CNTNAP5: variants seen among roughly 807,000 people sequenced by gnomAD.
The protein encoded by CNTNAP5 is contactin associated protein family member 5, also known as contactin-associated protein-like 5.
CNTNAP5 carries 72 observed loss-of-function variants against 150.2 expected under a neutral mutation model. That is an observed-to-expected ratio of 0.48 (90% CI 0.40 to 0.58). CNTNAP5 has a LOEUF of 0.58. CNTNAP5 is among the 20% of genes least tolerant of loss of function. The probability of loss-of-function intolerance (pLI) is 0.00; values close to 1 mark genes in which losing one functional copy is unlikely to be tolerated. For missense variants in CNTNAP5, 1,636 were observed against 1,626.2 expected (o/e 1.01, Z -0.10); for synonymous variants, 672 against 619.8 (o/e 1.08, Z -1.25).
chr2:124,695,026 C>T (rs893957699), intron 13 of CNTNAP5, among the ~76,000 whole-genome samples: 3 of 148,006 alleles, frequency 2.0e-5, no homozygotes, highest in African/African-American at 7.4e-5. Flanking sequence ...GTGTGTGTTA[C>T]AATGTAATGG....
At chr2:124,727,588 G>A (rs1680184497) in intron 13 of CNTNAP5, among the ~76,000 whole-genome samples, 1 of 151,816 alleles carries the variant, frequency 6.6e-6, no homozygotes, top group Non-Finnish European at 1.5e-5. Flanking sequence ...CTATTGTAAT[G>A]AGATTGTCTT....
At chr2:124,600,563 T>A (rs1449997614) in intron 11 of CNTNAP5, among the ~76,000 whole-genome samples, 3 of 152,150 alleles carry the variant, frequency 2.0e-5, no homozygotes, top group African/African-American at 7.2e-5. Context: ...ATGTAAAATG[T>A]CTGTTGTGGG....
intron 3 of CNTNAP5, among the ~76,000 whole-genome samples, chr2:124,298,999 A>G (rs998715416): frequency 2.0e-5 from 3 of 152,190 alleles, no homozygotes; most frequent in African/African-American, 7.2e-5. Flanking sequence ...TCCTTGTCAC[A>G]CAGCCATGAA....
At chr2:124,183,736 C>T (rs2104684005) in intron 1 of CNTNAP5, among the ~76,000 whole-genome samples, 1 of 152,208 alleles carries the variant, frequency 6.6e-6, no homozygotes, top group Admixed American at 6.5e-5. Flanking sequence ...ATTCAAAACC[C>T]ATTTTTCAGT....
At chr2:124,479,427 C>T (rs1432829763) in intron 7 of CNTNAP5, among the ~76,000 whole-genome samples, 1 of 152,068 alleles carries the variant, frequency 6.6e-6, no homozygotes, top group African/African-American at 2.4e-5. Flanking sequence ...TATTGTAGGT[C>T]TCAAAATATT....
chr2:124,447,637 A>G (rs540405125), intron 6 of CNTNAP5, among the ~76,000 whole-genome samples: 4 of 152,338 alleles, frequency 2.6e-5, no homozygotes, highest in African/African-American at 9.6e-5. Context: ...GGTTAAAGCT[A>G]CAGTGGATGA....
intron 1 of CNTNAP5, among the ~76,000 whole-genome samples, chr2:124,210,110 TC>T (rs1271349959): frequency 2.7e-4 from 41 of 152,364 alleles, no homozygotes; most frequent in Non-Finnish European, 2.9e-5. Context: ...AGGTCAGTCA[TC>T]TTTCTTATTT....
chr2:124,773,161 T>C, intron 17 of CNTNAP5, 144 bp downstream of exon 17: 1 of 695,436 alleles, frequency 1.4e-6, no homozygotes, highest in Non-Finnish European at 2.5e-6. Flanking sequence ...TTTCATTCTA[T>C]ACATTCTTTT....
At chr2:124,400,690 T>TTTTTTTTTTTTTG (rs1691398317) in intron 3 of CNTNAP5, among the ~76,000 whole-genome samples, 1 of 145,784 alleles carries the variant, frequency 6.9e-6, no homozygotes, top group Non-Finnish European at 1.5e-5. Flanking sequence ...TTTTTTTTTG[T>TTTTTTTTTTTTTG]TTTTTTTCTT....
intron 1 of CNTNAP5, among the ~76,000 whole-genome samples, chr2:124,188,580 G>A (rs556145012): frequency 7.9e-5 from 12 of 151,876 alleles, no homozygotes; most frequent in Admixed American, 2.0e-4. Flanking sequence ...TTAGCCGGGC[G>A]TGGTGGCGGG....
chr2:124,133,742 G>C (rs1469351480), intron 1 of CNTNAP5, among the ~76,000 whole-genome samples: 1 of 152,108 alleles, frequency 6.6e-6, no homozygotes, highest in Non-Finnish European at 1.5e-5. Flanking sequence ...CCCTGACATG[G>C]TGACAGATCT....
rs549710841 is a variant in CNTNAP5 at position 124,305,468 on chromosome 2, A to G, written c.381+63075A>G. 2.4e-3 allele frequency among the ~76,000 whole-genome samples: 366 copies of G among 152,272 alleles called. 3 individuals are homozygous for G. Among genetic ancestry groups the G allele is most frequent in the South Asian group, 0.019 (93 of 4,822 alleles). Reference sequence around the variant, plus strand: ...GACATTTAGGAAAGTTGAAAGCAAGACCCTAAAAACTATTTTGCTTAGTTA... The same window carrying G: ...GACATTTAGGAAAGTTGAAAGCAAGGCCCTAAAAACTATTTTGCTTAGTTA... On this transcript the variant is annotated intron_variant, in intron 3 of 23. Transcript: ENST00000682447.
At chr2:124,113,506 A>ATATGTG (rs1683351075) in intron 1 of CNTNAP5, among the ~76,000 whole-genome samples, 2 of 142,794 alleles carry the variant, frequency 1.4e-5, no homozygotes, top group South Asian at 2.3e-4. Context: ...ATACATATAT[A>ATATGTG]TGTGTGTGTG....
At chr2:124,183,930 A>T (rs1685267693) in intron 1 of CNTNAP5, among the ~76,000 whole-genome samples, 2 of 152,210 alleles carry the variant, frequency 1.3e-5, no homozygotes, top group Non-Finnish European at 2.9e-5. Context: ...CTTTTGCACG[A>T]ACCTAATAGA....
intron 3 of CNTNAP5, among the ~76,000 whole-genome samples, chr2:124,244,074 T>A (rs550473155): frequency 3.9e-5 from 6 of 152,172 alleles, no homozygotes; most frequent in Non-Finnish European, 8.8e-5. Context: ...CTTTGAGTTA[T>A]TGTGCCTAAT....
intron 16 of CNTNAP5, among the ~76,000 whole-genome samples, chr2:124,764,671 C>A (rs1044374963): frequency 2.0e-5 from 3 of 152,114 alleles, no homozygotes; most frequent in African/African-American, 4.8e-5. Context: ...TGTGGATCAC[C>A]TTTTAGCACT....
intron 11 of CNTNAP5, among the ~76,000 whole-genome samples, chr2:124,582,399 T>A (rs1696434946): frequency 6.6e-6 from 1 of 152,186 alleles, no homozygotes; most frequent in South Asian, 2.1e-4. Flanking sequence ...TCAAAAGAGA[T>A]TGAACTCAAG....
At position 124,448,256 on chromosome 2, in the gene CNTNAP5, A is replaced by G. The variant is rs1692873986; in HGVS notation, c.918+1319A>G. On this transcript the variant is annotated intron_variant, in intron 6 of 23. Transcript: ENST00000682447. ...GCACTCCAGCCCGGGAGACAGAGTC[A>G]GACTCCGTCTTAAAATAATAATAAT... is the stretch of plus-strand genomic sequence containing the variant. Among the ~76,000 whole-genome samples the G allele has an allele frequency of 2.2e-5, 3 of 136,302 alleles. No individual in the cohort carries two copies. The South Asian group carries it at 7.8e-4, about 35-fold the overall frequency. The allele number at this position is 136,302 out of a possible 152,430, so 89.4% of individuals were successfully genotyped here. A position where few individuals can be genotyped will look rare whatever the true frequency, so the allele number is the denominator to read the frequency against.
At chr2:124,912,470 G>A (rs929703897) in intron 23 of CNTNAP5, among the ~76,000 whole-genome samples, 1 of 152,092 alleles carries the variant, frequency 6.6e-6, no homozygotes, top group African/African-American at 2.4e-5. Context: ...AGTGAAGTCT[G>A]TTCTGAGGGA....
Sources: allele counts gnomAD v4.1 joint callset (sites outside exome capture counted in the v4.1 genomes callset), GRCh38; gene constraint gnomAD v4.1.1; transcripts MANE v1.5; gene names NCBI Gene and HGNC (gene_info 2026-07-23, HGNC 2026-07-21).